KCNJ6: variants seen among roughly 807,000 people sequenced by gnomAD.
KCNJ6 encodes the protein potassium inwardly rectifying channel subfamily J member 6, also known as G protein-activated inward rectifier potassium channel 2.
A neutral mutation model predicts 34.2 loss-of-function variants in KCNJ6; 9 were observed. The ratio of observed to expected loss-of-function variants is 0.26; its 90% CI spans 0.16 to 0.46. The LOEUF (loss-of-function observed/expected upper bound fraction) is 0.46, where lower values mean the gene tolerates loss of function less well. Among genes scored for constraint, KCNJ6 ranks in the 20% least tolerant of loss-of-function variants. KCNJ6 has a pLI of 1.00. For synonymous variants in KCNJ6, 196 were observed against 207.1 expected, an observed-to-expected ratio of 0.95 and a Z score of 0.46; for missense variants, 236 against 531.3, an observed-to-expected ratio of 0.44 and a Z score of 5.46.
At chr21:37,725,633 T>A (rs2054850519) in intron 2 of KCNJ6, among the ~76,000 whole-genome samples, 1 of 152,188 alleles carries the variant, frequency 6.6e-6, no homozygotes, top group Non-Finnish European at 1.5e-5. Flanking sequence ...GAAATGAAAA[T>A]TCACCTTGGA....
chr21:37,887,469 A>G (rs2055741563), intron 1 of KCNJ6, among the ~76,000 whole-genome samples: 1 of 152,172 alleles, frequency 6.6e-6, no homozygotes, highest in Admixed American at 6.5e-5. Context: ...GAAACTCAGC[A>G]GTGAATAAGA....
chr21:37,881,727 C>T (rs563519151), intron 1 of KCNJ6, among the ~76,000 whole-genome samples: 6 of 152,178 alleles, frequency 3.9e-5, no homozygotes, highest in African/African-American at 7.2e-5. Context: ...TGATGGGCCC[C>T]ACCTTCATTA....
rs2054242738 is a variant in KCNJ6 at position 37,611,590 on chromosome 21, A to G, written c.*13569T>C. The stretch of plus-strand genomic sequence containing the variant: ...ATAAGCATAGATGCAGAAATCCTCA[A>G]CAAAATATTAGCAAATCAAGTCCAA... On this transcript the variant is annotated 3_prime_UTR_variant, in exon 4 of 4. Transcript: ENST00000609713. 1 of 152,236 alleles carries G rather than the reference A, an allele frequency of 6.6e-6. No homozygotes were observed. The highest frequency in any genetic ancestry group is 1.5e-5 in the Non-Finnish European group (1 of 68,046). The allele number at this position is 152,236 out of a possible 1,614,324, so 9.4% of individuals were successfully genotyped here. A position where few individuals can be genotyped will look rare whatever the true frequency, so the allele number is the denominator to read the frequency against.
chr21:37,722,174 A>G (rs556916695), intron 2 of KCNJ6, among the ~76,000 whole-genome samples: 1 of 152,332 alleles, frequency 6.6e-6, no homozygotes, highest in South Asian at 2.1e-4. Context: ...TGAGAGCTGA[A>G]TCAAGAATAA....
chr21:37,840,035 G>A (rs1016744709), intron 2 of KCNJ6, among the ~76,000 whole-genome samples: 3 of 152,176 alleles, frequency 2.0e-5, no homozygotes, highest in African/African-American at 7.2e-5. Context: ...CTGACCTCAA[G>A]TGATCTGCCC....
At position 37,721,931 on chromosome 21, in the gene KCNJ6, A is replaced by G. The variant is rs1386234831; in HGVS notation, c.26-6800T>C. On this transcript the variant is annotated intron_variant, in intron 2 of 3. Coordinates refer to ENST00000609713, the MANE Select transcript of KCNJ6 (RefSeq NM_002240.5). ...GGTGGGGCATCTGAAAAGCAAGCAC[A>G]GGAAGTCCTAGCCAGAGCAATCAGG... is the stretch of plus-strand genomic sequence containing the variant. Among the ~76,000 whole-genome samples, 4 of 152,200 alleles carry G rather than the reference A, an allele frequency of 2.6e-5. 1 individual carries two copies. The highest frequency in any genetic ancestry group is 9.6e-5 in the African/African-American group (4 of 41,452).
rs575055171 is a variant in KCNJ6, at chr21:37,868,349, C to G, written c.-27-27640G>C. Among the ~76,000 whole-genome samples, 14 of 152,264 alleles carry G rather than the reference C, an allele frequency of 9.2e-5. No individual in the cohort carries two copies. The East Asian group carries it at 2.7e-3, about 29-fold the overall frequency. ...TAATTTTTAAAAATTCTCCAGAAAG[C>G]CTTTTTAAGGAAAATATCACAGAAT... On this transcript the variant is annotated intron_variant, in intron 1 of 3. Transcript: ENST00000609713.
At chr21:37,828,605 G>A (rs1238598126) in intron 2 of KCNJ6, among the ~76,000 whole-genome samples, 1 of 152,248 alleles carries the variant, frequency 6.6e-6, no homozygotes, top group Non-Finnish European at 1.5e-5. Context: ...ATTCCTCCAA[G>A]CAGGTGTTTG....
intron 2 of KCNJ6, among the ~76,000 whole-genome samples, chr21:37,758,233 T>C (rs1174544634): frequency 2.0e-5 from 3 of 151,916 alleles, no homozygotes; most frequent in Non-Finnish European, 4.4e-5. Context: ...GTGAGGCTGA[T>C]GGTGTGTGGG....
In KCNJ6 at chr21:37,706,769, TG is replaced by T. The variant is rs142008593; in HGVS notation, c.946+7441del. Among the ~76,000 whole-genome samples the T allele has an allele frequency of 9.7e-3, 1,476 of 152,362 alleles. 21 individuals carry two copies. The highest frequency in any genetic ancestry group is 0.028 in the East Asian group (145 of 5,190). ...AAGTATAGCTGTACTTTAAAGCAGA[TG>T]TATCTATAAGAACTAACCATGAAAG... On this transcript the variant is annotated intron_variant, in intron 3 of 3. Coordinates refer to ENST00000609713, the MANE Select transcript of KCNJ6 (RefSeq NM_002240.5).
At chr21:37,830,580 A>T (rs572846550) in intron 2 of KCNJ6, among the ~76,000 whole-genome samples, 1 of 152,134 alleles carries the variant, frequency 6.6e-6, no homozygotes, top group Admixed American at 6.5e-5. Flanking sequence ...GACAAATCTC[A>T]CTGGTGGCCA....
intron 1 of KCNJ6, among the ~76,000 whole-genome samples, chr21:37,854,904 G>A (rs987411860): frequency 2.3e-4 from 35 of 152,174 alleles, no homozygotes; most frequent in African/African-American, 6.8e-4. Flanking sequence ...ATAAATCCAC[G>A]AATATAGTTG....
chr21:37,828,356 A>C (rs1320564985), intron 2 of KCNJ6, among the ~76,000 whole-genome samples: 2 of 152,074 alleles, frequency 1.3e-5, no homozygotes, highest in Non-Finnish European at 2.9e-5. Context: ...ATCCACCTTC[A>C]TCTGAGTTTA....
intron 1 of KCNJ6, among the ~76,000 whole-genome samples, chr21:37,892,105 T>C (rs1040917921): frequency 6.6e-6 from 1 of 152,232 alleles, no homozygotes; most frequent in African/African-American, 2.4e-5. Context: ...GCTACAACCA[T>C]GTGGGAGCTT....
chr21:37,901,106 CAAAT>C (rs1408974431), intron 1 of KCNJ6, among the ~76,000 whole-genome samples: 14 of 152,060 alleles, frequency 9.2e-5, no homozygotes, highest in South Asian at 4.1e-4. Context: ...GTGCAACAAA[CAAAT>C]AAGAAAGGCT....
chr21:37,801,340 C>G (rs1290172148), intron 2 of KCNJ6, among the ~76,000 whole-genome samples: 1 of 152,204 alleles, frequency 6.6e-6, no homozygotes, highest in Admixed American at 6.5e-5. Flanking sequence ...CTGCCGCATG[C>G]TTTTCTCCAA....
At chr21:37,799,827 G>A (rs369787338) in intron 2 of KCNJ6, among the ~76,000 whole-genome samples, 363 of 152,218 alleles carry the variant, frequency 2.4e-3, no homozygotes, top group African/African-American at 5.2e-3. Flanking sequence ...AATTTTGAGA[G>A]AGCACTGTTA....
At chr21:37,773,989 C>T (rs746097652) in intron 2 of KCNJ6, among the ~76,000 whole-genome samples, 1 of 152,150 alleles carries the variant, frequency 6.6e-6, no homozygotes, top group Non-Finnish European at 1.5e-5. Context: ...CTGTTTTTAT[C>T]ACATCATTCC....
intron 2 of KCNJ6, among the ~76,000 whole-genome samples, chr21:37,802,308 C>T (rs116697820): frequency 5.9e-4 from 90 of 152,296 alleles, no homozygotes; most frequent in African/African-American, 2.1e-3. Context: ...TGTCCACTTC[C>T]TAACCCCTGG....
Sources: allele counts gnomAD v4.1 joint callset (sites outside exome capture counted in the v4.1 genomes callset), GRCh38; gene constraint gnomAD v4.1.1; transcripts MANE v1.5; gene names NCBI Gene and HGNC (gene_info 2026-07-23, HGNC 2026-07-21).